NALF1: variants seen among roughly 807,000 people sequenced by gnomAD.
NALF1 encodes the protein family with sequence similarity 155 member A.
Under a neutral mutation model 48.4 loss-of-function variants are expected in NALF1, and 3 were observed. The ratio of observed to expected loss-of-function variants is 0.06; its 90% CI spans 0.03 to 0.16. The LOEUF (loss-of-function observed/expected upper bound fraction) is 0.16. NALF1 is among the 10% of genes least tolerant of loss of function. The pLI is 1.00. For missense variants in NALF1, 526 were observed against 571.5 expected, an observed-to-expected ratio of 0.92 and a Z score of 0.81; for synonymous variants, 262 against 245.7, an observed-to-expected ratio of 1.07 and a Z score of -0.62.
chr13:107,455,365 TA>T (rs61617320), intron 1 of NALF1, among the ~76,000 whole-genome samples: 174 of 151,558 alleles, frequency 1.1e-3, no homozygotes, highest in African/African-American at 3.7e-3. Flanking sequence ...TTTTGCCTTT[TA>T]AAAAAAAATA....
chr13:107,473,229 T>C (rs1885128386), intron 1 of NALF1, among the ~76,000 whole-genome samples: 1 of 151,760 alleles, frequency 6.6e-6, no homozygotes, highest in Non-Finnish European at 1.5e-5. Flanking sequence ...AGGTCTAGAT[T>C]CTTCAGCGCC....
chr13:107,305,538 G>C (rs1881920260), intron 1 of NALF1, among the ~76,000 whole-genome samples: 1 of 152,106 alleles, frequency 6.6e-6, no homozygotes, highest in African/African-American at 2.4e-5. Flanking sequence ...GTCATGAGAG[G>C]ATAATGCTTG....
chr13:107,697,748 C>T (rs1419033118), intron 1 of NALF1, among the ~76,000 whole-genome samples: 1 of 152,072 alleles, frequency 6.6e-6, no homozygotes, highest in African/African-American at 2.4e-5. Flanking sequence ...ATTGAAGTCG[C>T]ACATAAATTA....
intron 1 of NALF1, among the ~76,000 whole-genome samples, chr13:107,554,706 T>C (rs1877403923): frequency 6.6e-6 from 1 of 152,342 alleles, no homozygotes; most frequent in African/African-American, 2.4e-5. Flanking sequence ...TTGTAATTGC[T>C]TCTGACAGTG....
intron 1 of NALF1, among the ~76,000 whole-genome samples, chr13:107,742,549 G>A (rs1446414895): frequency 1.3e-5 from 2 of 152,154 alleles, no homozygotes; most frequent in Non-Finnish European, 2.9e-5. Context: ...AGAAGCATGG[G>A]TTTACTTCCC....
At chr13:107,550,123 T>C (rs1877251321) in intron 1 of NALF1, among the ~76,000 whole-genome samples, 1 of 152,182 alleles carries the variant, frequency 6.6e-6, no homozygotes, top group Non-Finnish European at 1.5e-5. Flanking sequence ...CCATTCCAGA[T>C]ATTGCTACTT....
chr13:107,602,679 A>G (rs535258708), intron 1 of NALF1, among the ~76,000 whole-genome samples: 10 of 152,318 alleles, frequency 6.6e-5, no homozygotes, highest in Middle Eastern at 3.4e-3. Flanking sequence ...TTTAACACTT[A>G]GTTTGATTCT....
intron 1 of NALF1, among the ~76,000 whole-genome samples, chr13:107,412,611 G>A (rs1884011644): frequency 6.6e-6 from 1 of 152,286 alleles, no homozygotes; most frequent in Admixed American, 6.5e-5. Context: ...AGTCACAATT[G>A]CTGAGTTCAT....
intron 1 of NALF1, among the ~76,000 whole-genome samples, chr13:107,390,742 ATAAAG>A (rs1883612183): frequency 6.6e-6 from 1 of 152,150 alleles, no homozygotes; most frequent in Non-Finnish European, 1.5e-5. Context: ...GCACAGAGAG[ATAAAG>A]TAAATTGCCA....
chr13:107,338,602 A>G (rs970021441), intron 1 of NALF1, among the ~76,000 whole-genome samples: 3 of 152,202 alleles, frequency 2.0e-5, no homozygotes, highest in African/African-American at 4.8e-5. Context: ...AATAAAGACA[A>G]TAATTGACCA....
intron 1 of NALF1, among the ~76,000 whole-genome samples, chr13:107,731,984 C>CA (rs1876323057): frequency 6.6e-6 from 1 of 151,958 alleles, no homozygotes; most frequent in Non-Finnish European, 1.5e-5. Context: ...GAAGAACAAG[C>CA]AAAAAAATAG....
chr13:107,200,959 G>A (rs1011869477), intron 2 of NALF1, among the ~76,000 whole-genome samples: 2 of 152,118 alleles, frequency 1.3e-5, no homozygotes, highest in African/African-American at 2.4e-5. Flanking sequence ...GGAGCTGCGG[G>A]GCCAGGGGGA....
At chr13:107,340,466 C>CTTTCTTTCTTTCA (rs201495618) in intron 1 of NALF1, among the ~76,000 whole-genome samples, 1 of 101,700 alleles carries the variant, frequency 9.8e-6, no homozygotes, top group African/African-American at 2.8e-5. Flanking sequence ...TTCTTTCTTT[C>CTTTCTTTCTTTCA]TTCTCTCTTT....
chr13:107,820,548 C>T (rs996512825), intron 1 of NALF1, among the ~76,000 whole-genome samples: 3 of 152,136 alleles, frequency 2.0e-5, no homozygotes, highest in African/African-American at 7.2e-5. Flanking sequence ...TTTTTCAAAA[C>T]CTTCCAGGCA....
intron 1 of NALF1, among the ~76,000 whole-genome samples, chr13:107,792,072 A>C (rs1270835670): frequency 6.6e-6 from 1 of 152,212 alleles, no homozygotes; most frequent in Non-Finnish European, 1.5e-5. Flanking sequence ...CATAAGTGGA[A>C]TTTTAAAATG....
chr13:107,428,395 G>T (rs1224827385), intron 1 of NALF1, among the ~76,000 whole-genome samples: 3 of 152,208 alleles, frequency 2.0e-5, no homozygotes, highest in Non-Finnish European at 4.4e-5. Flanking sequence ...GATCTATGCT[G>T]CCTTCTGTAT....
intron 1 of NALF1, among the ~76,000 whole-genome samples, chr13:107,484,708 C>T (rs1885301640): frequency 6.6e-6 from 1 of 152,080 alleles, no homozygotes; most frequent in Non-Finnish European, 1.5e-5. Flanking sequence ...GAATAAAATC[C>T]AGAAGATATT....
At chr13:107,457,689 A>G (rs1032116398) in intron 1 of NALF1, among the ~76,000 whole-genome samples, 12 of 152,204 alleles carry the variant, frequency 7.9e-5, no homozygotes, top group African/African-American at 2.9e-4. Flanking sequence ...GAAGACAAAC[A>G]CATGGAAATT....
chr13:107,500,510 T>C (rs1338893882), intron 1 of NALF1, among the ~76,000 whole-genome samples: 2 of 151,146 alleles, frequency 1.3e-5, no homozygotes, highest in African/African-American at 4.9e-5. Context: ...TTGGTGGGAC[T>C]GTAAACTAGT....
Sources: gnomAD v4.1 joint callset for allele counts (sites outside exome capture counted in the v4.1 genomes callset) on GRCh38, gnomAD v4.1.1 for gene constraint, MANE v1.5 for transcripts, NCBI Gene and HGNC (gene_info 2026-07-23, HGNC 2026-07-21) for gene names.